Variants in NRXN1 observed in about 807,000 individuals in gnomAD.
The protein encoded by NRXN1 is neurexin 1, also known as neurexin-1.
NRXN1 carries 39 observed loss-of-function variants against 150.9 expected under a neutral mutation model. The observed-to-expected ratio is 0.26, with a 90% CI of 0.20 to 0.34. The LOEUF (loss-of-function observed/expected upper bound fraction) is 0.34. Among genes scored for constraint, NRXN1 ranks in the 10% least tolerant of loss-of-function variants. The pLI, the probability that NRXN1 is intolerant of heterozygous loss-of-function variation, is 1.00. For synonymous variants in NRXN1, 924 were observed against 757.0 expected, an observed-to-expected ratio of 1.22 and a Z score of -3.62; for missense variants, 1,815 against 1,949.9, an observed-to-expected ratio of 0.93 and a Z score of 1.30.
At chr2:50,357,497 G>A (rs1206560901) in intron 17 of NRXN1, among the ~76,000 whole-genome samples, 4 of 151,698 alleles carry the variant, frequency 2.6e-5, no homozygotes, top group East Asian at 1.9e-4. Flanking sequence ...TAGTAGAGAT[G>A]GGGTTTCTCC....
At chr2:50,428,887 C>T (rs770706152) in intron 17 of NRXN1, among the ~76,000 whole-genome samples, 4 of 152,268 alleles carry the variant, frequency 2.6e-5, no homozygotes, top group South Asian at 2.1e-4. Flanking sequence ...CACACAGCTT[C>T]TAAGTACCAT....
At chr2:50,804,160 A>G (rs912471673) in intron 5 of NRXN1, among the ~76,000 whole-genome samples, 11 of 152,210 alleles carry the variant, frequency 7.2e-5, no homozygotes, top group African/African-American at 2.4e-4. Context: ...AGACATGATT[A>G]CCAATTATAA....
chr2:51,006,651 C>T (rs914158441), intron 2 of NRXN1, among the ~76,000 whole-genome samples: 1 of 151,854 alleles, frequency 6.6e-6, no homozygotes, highest in African/African-American at 2.4e-5. Flanking sequence ...AAAAGGTAAG[C>T]TCCTTGCCCC....
intron 15 of NRXN1, among the ~76,000 whole-genome samples, chr2:50,491,320 C>G (rs551704633): frequency 6.6e-6 from 1 of 152,176 alleles, no homozygotes; most frequent in Non-Finnish European, 1.5e-5. Flanking sequence ...GTAATAGCAA[C>G]TGGTCAGAGA....
intron 18 of NRXN1, among the ~76,000 whole-genome samples, chr2:50,188,677 GAA>G: frequency 6.8e-6 from 1 of 146,182 alleles, no homozygotes; most frequent in Admixed American, 6.8e-5. Flanking sequence ...AAATTTACAA[GAA>G]AAAAAAAACA....
At chr2:50,886,565 C>T (rs1228247533) in intron 5 of NRXN1, among the ~76,000 whole-genome samples, 1 of 151,336 alleles carries the variant, frequency 6.6e-6, no homozygotes, top group Non-Finnish European at 1.5e-5. Flanking sequence ...TAATTATAAG[C>T]ATGACTTTGA....
intron 17 of NRXN1, among the ~76,000 whole-genome samples, chr2:50,321,902 C>T (rs1056258356): frequency 6.6e-6 from 1 of 151,954 alleles, no homozygotes; most frequent in Non-Finnish European, 1.5e-5. Flanking sequence ...AACATTATCT[C>T]ATTTAATTTT....
chr2:50,436,630 G>A (rs2085472566), intron 17 of NRXN1, among the ~76,000 whole-genome samples: 1 of 152,162 alleles, frequency 6.6e-6, no homozygotes, highest in African/African-American at 2.4e-5. Context: ...TTGAAAGTGT[G>A]ACTTTTCAGA....
At chr2:50,950,907 T>C in intron 2 of NRXN1, among the ~76,000 whole-genome samples, 1 of 152,180 alleles carries the variant, frequency 6.6e-6, no homozygotes, top group East Asian at 1.9e-4. Flanking sequence ...AGAGTTCTAG[T>C]CTGTAATCAG....
At chr2:50,092,052 G>A (rs934763030) in intron 18 of NRXN1, among the ~76,000 whole-genome samples, 2 of 152,154 alleles carry the variant, frequency 1.3e-5, no homozygotes, top group South Asian at 4.1e-4. Flanking sequence ...TATTGATGAT[G>A]AAACATCAAC....
intron 5 of NRXN1, among the ~76,000 whole-genome samples, chr2:50,767,166 G>C (rs1037165339): frequency 1.3e-5 from 2 of 151,910 alleles, no homozygotes; most frequent in African/African-American, 4.8e-5. Flanking sequence ...ATACCCATGG[G>C]GAAAATTGTG....
chr2:50,667,136 T>C (rs984809284), intron 5 of NRXN1, among the ~76,000 whole-genome samples: 2 of 151,942 alleles, frequency 1.3e-5, no homozygotes, highest in Non-Finnish European at 2.9e-5. Context: ...ATTTAAAAAA[T>C]TTATAAATTG....
At chr2:50,632,824 C>T (rs941357216) in intron 5 of NRXN1, 1 of 151,792 alleles carries the variant, frequency 6.6e-6, no homozygotes, top group South Asian at 2.1e-4. Context: ...GGGTGGCGGG[C>T]GAAAGAATCA....
At chr2:50,516,684 A>C (rs990985626) in intron 12 of NRXN1, among the ~76,000 whole-genome samples, 2 of 152,030 alleles carry the variant, frequency 1.3e-5, no homozygotes, top group African/African-American at 2.4e-5. Context: ...ATTCCTCCTC[A>C]AGTGCTCCTC....
chr2:50,951,010 G>T (rs1691238133), intron 2 of NRXN1, among the ~76,000 whole-genome samples: 1 of 152,108 alleles, frequency 6.6e-6, no homozygotes, highest in African/African-American at 2.4e-5. Flanking sequence ...ATTTAATCAG[G>T]GCCTCTGTTC....
chr2:50,854,792 G>T (rs995432603), intron 5 of NRXN1, among the ~76,000 whole-genome samples: 4 of 151,906 alleles, frequency 2.6e-5, no homozygotes, highest in African/African-American at 9.7e-5. Context: ...CAGGCACAAG[G>T]GACTAGAAAA....
intron 5 of NRXN1, among the ~76,000 whole-genome samples, chr2:50,916,176 G>A (rs947368434): frequency 6.6e-6 from 1 of 150,396 alleles, no homozygotes; most frequent in African/African-American, 2.4e-5. Flanking sequence ...GTCTCCTTAA[G>A]GTTGGCTATT....
intron 2 of NRXN1, among the ~76,000 whole-genome samples, chr2:51,002,970 T>C (rs1056087965): frequency 2.0e-5 from 3 of 151,950 alleles, no homozygotes; most frequent in African/African-American, 7.2e-5. Flanking sequence ...CCTGAGCTTA[T>C]GACAAATTAA....
intron 17 of NRXN1, among the ~76,000 whole-genome samples, chr2:50,326,197 G>T (rs181004254): frequency 6.6e-6 from 1 of 151,976 alleles, no homozygotes; most frequent in African/African-American, 2.4e-5. Context: ...TTAACACATG[G>T]ATTAATGTAC....
Sources: allele counts gnomAD v4.1 joint callset (sites outside exome capture counted in the v4.1 genomes callset), GRCh38; gene constraint gnomAD v4.1.1; transcripts MANE v1.5; gene names NCBI Gene and HGNC (gene_info 2026-07-23, HGNC 2026-07-21).